Variants in TRIM14 observed in about 807,000 individuals in gnomAD.
The protein encoded by TRIM14 is tripartite motif containing 14.
In TRIM14, 28 loss-of-function variants were observed where a neutral mutation model predicts 44.5. That is an observed-to-expected ratio of 0.63 (90% confidence interval 0.47 to 0.86). TRIM14 has a LOEUF of 0.86. Among genes scored for constraint, TRIM14 ranks in the 40% least tolerant of loss-of-function variants. The pLI, the probability that TRIM14 is intolerant of heterozygous loss-of-function variation, is 0.00. For synonymous variants in TRIM14, 299 were observed against 269.2 expected, an observed-to-expected ratio of 1.11 and a Z score of -1.08; for missense variants, 607 against 611.1, an observed-to-expected ratio of 0.99 and a Z score of 0.07.
chr9:98,084,584 A>T lies in TRIM14; in HGVS notation c.*2886T>A, dbSNP rs965675888. On this transcript the variant is annotated 3_prime_UTR_variant, in exon 6 of 6. Coordinates refer to ENST00000341469, the MANE Select transcript of TRIM14 (RefSeq NM_014788.4). The stretch of plus-strand genomic sequence containing the variant: ...TGCTGCTGCCACATGGCAGCTGGGA[A>T]TACCAGTAGTCTCAGCACTCGGTCA... 9 of 152,254 alleles carry T rather than the reference A, an allele frequency of 5.9e-5. No homozygotes were observed. The highest frequency in any genetic ancestry group is 7.3e-5 in the Non-Finnish European group (5 of 68,044). The allele number at this position is 152,254 out of a possible 1,614,324, so 9.4% of individuals were successfully genotyped here. A position where few individuals can be genotyped will look rare whatever the true frequency, so the allele number is the denominator to read the frequency against.
At chr9:98,100,999 G>A (rs1012755148) in intron 2 of TRIM14, among the ~76,000 whole-genome samples, 1 of 152,022 alleles carries the variant, frequency 6.6e-6, no homozygotes, top group Non-Finnish European at 1.5e-5. Context: ...TATTTTTTGA[G>A]AAGGAGTTTC....
rs10606237 is a variant in TRIM14 at position 98,073,271 on chromosome 9, C to CTTTTTTTTTT, written c.*29-3594_*29-3585dup. On this transcript the variant is annotated intron_variant, in intron 6 of 6. Transcript: ENST00000375098. ...GTTCTCCCCAGCTCATCACCATGGGCTTTTTTTTTTTTTTTTTTTTTTTTT... is the reference window on the plus strand; with the variant it reads ...GTTCTCCCCAGCTCATCACCATGGGCTTTTTTTTTTTTTTTTTTTTTTTTTTTTTTTTTTT... Among the ~76,000 whole-genome samples, 9 of 57,848 alleles carry CTTTTTTTTTT rather than the reference C, an allele frequency of 1.6e-4. 1 individual carries two copies. The highest frequency in any genetic ancestry group is 2.1e-4 in the Non-Finnish European group (7 of 33,714). The allele number at this position is 57,848 out of a possible 152,430, so 38.0% of individuals were successfully genotyped here. A position where few individuals can be genotyped will look rare whatever the true frequency, so the allele number is the denominator to read the frequency against.
At chr9:98,061,509 C>T in the TRIM14 span, among the ~76,000 whole-genome samples, 6 of 143,546 alleles carry the variant, frequency 4.2e-5, no homozygotes, top group East Asian at 4.1e-4. Context: ...AGGCCAGGCG[C>T]GGTGTCTCAC....
At chr9:98,106,158 T>C (rs1451305503) in intron 2 of TRIM14, among the ~76,000 whole-genome samples, 1 of 152,072 alleles carries the variant, frequency 6.6e-6, no homozygotes, top group Non-Finnish European at 1.5e-5. Context: ...AAGATGATAA[T>C]ACACGTGACA....
intron 6 of TRIM14, among the ~76,000 whole-genome samples, chr9:98,073,953 T>A (rs1433763632): frequency 6.6e-6 from 1 of 151,946 alleles, no homozygotes; most frequent in Non-Finnish European, 1.5e-5. Flanking sequence ...ACCCGGCTAA[T>A]TTTTATATGT....
At chr9:98,081,467 G>C (rs1483371592), downstream of TRIM14, 1 of 190,266 alleles carries the variant, frequency 5.3e-6, no homozygotes, top group Non-Finnish European at 1.1e-5. Context: ...ATTTAGGCAC[G>C]GTGTTCCCTG....
At chr9:98,083,115 A>T (rs1829963691), downstream of TRIM14, 1 of 1,535,092 alleles carries the variant, frequency 6.5e-7, no homozygotes, top group Non-Finnish European at 8.9e-7. Context: ...GGTGTGTTTG[A>T]GTGAGGCGAG....
At chr9:98,046,743 T>G in the TRIM14 span, among the ~76,000 whole-genome samples, 2 of 152,180 alleles carry the variant, frequency 1.3e-5, no homozygotes, top group Non-Finnish European at 2.9e-5. Context: ...CCAGCTGATA[T>G]GCAGAAGAGT....
chr9:98,061,235 G>T, the TRIM14 span: 1 of 485,912 alleles, frequency 2.1e-6, no homozygotes, highest in Non-Finnish European at 3.8e-6. Context: ...CCGGCACTTT[G>T]GGAGACTGAG....
At chr9:98,060,853 G>A in the TRIM14 span, 1 of 1,614,014 alleles carries the variant, frequency 6.2e-7, no homozygotes, top group African/African-American at 1.3e-5. Flanking sequence ...AAGCCTTGGA[G>A]AGGCCATACA....
At chr9:98,110,877 A>ATAAAG (rs1826823780) in intron 1 of TRIM14, among the ~76,000 whole-genome samples, 1 of 151,390 alleles carries the variant, frequency 6.6e-6, no homozygotes, top group Non-Finnish European at 1.5e-5. Context: ...ATAAAATAAA[A>ATAAAG]TAAAATAAAA....
At chr9:98,073,946 C>T (rs748168548) in intron 6 of TRIM14, among the ~76,000 whole-genome samples, 2 of 151,966 alleles carry the variant, frequency 1.3e-5, no homozygotes, top group South Asian at 2.1e-4. Flanking sequence ...ACCACACACC[C>T]GGCTAATTTT....
chr9:98,068,532 G>A (rs763931226), downstream of TRIM14, among the ~76,000 whole-genome samples: 7 of 151,762 alleles, frequency 4.6e-5, no homozygotes, highest in Non-Finnish European at 7.4e-5. Context: ...AAAAGTGGTT[G>A]GCTGGATGCA....
chr9:98,111,962 T>A lies in TRIM14; in HGVS notation c.208-1978A>T, dbSNP rs550875462. On this transcript the variant is annotated intron_variant, in intron 1 of 5. Transcript: ENST00000341469. ...TCAAAAACAAACAAACAAAAATTGT[T>A]TTCAGTAACTTAATATCATGTTATG... Among the ~76,000 whole-genome samples, 13 of 152,200 alleles carry A rather than the reference T, an allele frequency of 8.5e-5. 1 individual carries two copies. The East Asian group carries it at 2.1e-3, about 25-fold the overall frequency.
At chr9:98,059,579 TA>T in the TRIM14 span, among the ~76,000 whole-genome samples, 1 of 152,120 alleles carries the variant, frequency 6.6e-6, no homozygotes, top group Non-Finnish European at 1.5e-5. Context: ...CATGCCTGGC[TA>T]ATTTTTATAT....
intron 5 of TRIM14, among the ~76,000 whole-genome samples, chr9:98,088,865 T>C (rs4742714): frequency 0.61 from 93,206 of 152,072 alleles, 31,464 homozygotes; most frequent in African/African-American, 0.9. Flanking sequence ...ATTTAAACTC[T>C]CATTAACATT....
chr9:98,061,899 G>A, the TRIM14 span, among the ~76,000 whole-genome samples: 1 of 151,890 alleles, frequency 6.6e-6, no homozygotes, highest in Admixed American at 6.6e-5. Flanking sequence ...CACCCCAGCT[G>A]GGCCAGGTTT....
Position 98,086,374 on chromosome 9 carries a change from A to G in TRIM14, c.*1096T>C, listed in dbSNP as rs1825776360. ...TTTCTTTCAGGACCTCAGACTCCCCAGATGAGATCTGGCTGGGTGACCTGT... is the reference window on the plus strand; with the variant it reads ...TTTCTTTCAGGACCTCAGACTCCCCGGATGAGATCTGGCTGGGTGACCTGT... On this transcript the variant is annotated 3_prime_UTR_variant, in exon 6 of 6. Coordinates refer to ENST00000341469, the MANE Select transcript of TRIM14 (RefSeq NM_014788.4). The G allele has an allele frequency of 6.6e-6, 1 of 152,276 alleles. No individual in the cohort carries two copies. The highest frequency in any genetic ancestry group is 6.5e-5 in the Admixed American group (1 of 15,286). 9.4% of individuals were successfully genotyped at this position (152,276 alleles called of 1,614,324 possible).
chr9:98,098,052 T>C (rs1334837693), intron 3 of TRIM14, among the ~76,000 whole-genome samples: 1 of 152,294 alleles, frequency 6.6e-6, no homozygotes, highest in South Asian at 2.1e-4. Context: ...GCGGGTTTTG[T>C]GTTGACTGGC....
Sources: gnomAD v4.1 joint callset for allele counts (sites outside exome capture counted in the v4.1 genomes callset) on GRCh38, gnomAD v4.1.1 for gene constraint, MANE v1.5 for transcripts, NCBI Gene and HGNC (gene_info 2026-07-23, HGNC 2026-07-21) for gene names.